SPSB3: variants seen among roughly 807,000 people sequenced by gnomAD.
SPSB3 encodes the protein splA/ryanodine receptor domain and SOCS box containing 3, also known as SPRY domain-containing SOCS box protein 3.
In SPSB3, 18 loss-of-function variants were observed where a neutral mutation model predicts 29.5. The ratio of observed to expected loss-of-function variants is 0.61; its 90% confidence interval spans 0.42 to 0.91. The LOEUF is 0.91. Ranked by LOEUF, SPSB3 falls within the 40% of genes least tolerant of loss-of-function variation. SPSB3 has a pLI of 0.00. For synonymous variants in SPSB3, 299 were observed against 214.1 expected (o/e 1.40, Z -3.46); for missense variants, 540 against 507.5 (o/e 1.06, Z -0.61).
intron 2 of SPSB3, 62 bp from the exon 3 acceptor site, chr16:1,778,674 C>T: frequency 1.3e-6 from 2 of 1,498,718 alleles, no homozygotes; most frequent in Non-Finnish European, 8.9e-7. Context: ...CACCCTTGCC[C>T]TCTGTCCCTG....
chr16:1,780,780 TG>T (rs1896681526), intron 2 of SPSB3: 1 of 188,110 alleles, frequency 5.3e-6, no homozygotes, highest in Non-Finnish European at 1.1e-5. Context: ...TCACCCAGGC[TG>T]GAACGCACTG....
chr16:1,778,822 C>G (rs1042659576), intron 2 of SPSB3: 6 of 498,870 alleles, frequency 1.2e-5, no homozygotes, highest in Admixed American at 7.6e-5. Context: ...CAGGAGGGCC[C>G]TGGAGGCCCA....
chr16:1,781,628 A>G, intron 1 of SPSB3, 133 bp from the exon 2 acceptor site: 1 of 931,426 alleles, frequency 1.1e-6, no homozygotes. Context: ...GGGCTCCAGA[A>G]CGCTTCAGGA....
chr16:1,777,777 G>C lies in SPSB3; in HGVS notation c.691C>G (p.Leu231Val). ...GVHLDTWHGT[L>V]TFFKNRKCIG... ...CACTTCCTGTTCTTGAAAAAGGTGA[G>C]TGTGCCGTGCCAGGTGTCCAGGTGC... is the stretch of plus-strand genomic sequence containing the variant. Residue 231 changes from leucine to valine, a missense_variant, in exon 6 of 7, where the codon CTC becomes GTC. Coordinates refer to ENST00000566339, the MANE Select transcript of SPSB3 (RefSeq NM_080861.4). 1 of 1,612,800 alleles carries C rather than the reference G, an allele frequency of 6.2e-7. No individual in the cohort carries two copies. The highest frequency in any genetic ancestry group is 1.1e-5 in the South Asian group (1 of 91,068).
At chr16:1,781,725 A>G in intron 1 of SPSB3, 1 of 547,992 alleles carries the variant, frequency 1.8e-6, no homozygotes, top group South Asian at 2.2e-5. Flanking sequence ...TGACTCCGGA[A>G]TGCGAATCCC....
chr16:1,781,532 C>A, intron 1 of SPSB3, 37 bp from the exon 2 acceptor site: 1 of 1,595,294 alleles, frequency 6.3e-7, no homozygotes, highest in South Asian at 1.1e-5. Flanking sequence ...AAGGAAGACT[C>A]ACAGCACTCC....
rs765821130 is a variant in SPSB3, at chr16:1,777,195, G to A, written c.970C>T (p.Arg324Cys). ...GWVLSMSCSR[R>C]KAPVSDPQAA... ...TGGGGATCGGACACTGGAGCCTTGC[G>A]GCGGCTGCAACTCATGCTCAGGACC... The change falls in exon 7 of 7, where the codon CGC (arginine) becomes TGC (cysteine). Residue 324 changes from arginine (R) to cysteine (C), a missense_variant. Transcript: ENST00000566339. 1.6e-5 allele frequency: 26 copies of A among 1,610,382 alleles called. No homozygotes were observed. In the East Asian group the frequency reaches 2.5e-4, roughly 15 times the overall value.
chr16:1,777,364 G>C lies in SPSB3; in HGVS notation c.801C>G (p.Val267=). 6.2e-7 allele frequency: 1 copy of C among 1,605,586 alleles called. No individual in the cohort carries two copies. Among genetic ancestry groups the C allele is most frequent in the South Asian group, 1.1e-5 (1 of 90,906 alleles). ...CSTAARSSMK[V]TRSCASATSL... is the part of the protein sequence containing the mutation. The stretch of plus-strand genomic sequence containing the variant: ...AAGTGGCGCTGGCACAGGAGCGGGT[G>C]ACCTTCATGCTGCTCCGGGCCGCCG... The change falls in exon 7 of 7, where the codon GTC becomes GTG. Residue 267 remains valine (V), a synonymous_variant. Transcript: ENST00000566339.
Position 1,777,754 on chromosome 16 carries a change from C to T in SPSB3, c.714G>A (p.Lys238=), listed in dbSNP as rs767465705. 1.2e-6 allele frequency: 2 copies of T among 1,612,326 alleles called. No individual in the cohort carries two copies. Among genetic ancestry groups the T allele is most frequent in the Admixed American group, 1.7e-5 (1 of 59,996 alleles). ...HGTLTFFKNR[K]CIGVAATKLQ... is the part of the protein sequence containing the mutation. ...GTCCTGTGACGGCCTCACCTATACA[C>T]TTCCTGTTCTTGAAAAAGGTGAGTG... Residue 238 remains lysine, a synonymous_variant, in exon 6 of 7, where the codon AAG becomes AAA. Coordinates refer to ENST00000566339, the MANE Select transcript of SPSB3 (RefSeq NM_080861.4).
intron 1 of SPSB3, chr16:1,781,956 G>A (rs1055500854): frequency 3.5e-5 from 7 of 198,350 alleles, no homozygotes; most frequent in South Asian, 2.1e-4. Flanking sequence ...TCCCGCCACC[G>A]TCTCCTGGGC....
intron 6 of SPSB3, 103 bp from the exon 7 acceptor site, chr16:1,777,546 C>T: frequency 7.3e-7 from 1 of 1,368,376 alleles, no homozygotes; most frequent in Non-Finnish European, 9.7e-7. Context: ...GGGCAGCTGG[C>T]ACAGCTGAGG....
At position 1,777,719 on chromosome 16, in the gene SPSB3, A is replaced by G. The variant is rs1164920813; in HGVS notation, c.721+28T>C. 9.3e-6 allele frequency: 15 copies of G among 1,607,982 alleles called. No individual in the cohort carries two copies. In the East Asian group the frequency reaches 3.4e-4, roughly 36 times the overall value. On this transcript the variant is annotated intron_variant, in intron 6 of 6. Transcript: ENST00000566339. ...TGCCTCCCTCGGGGTGACAGCTGAG[A>G]GGAGCTCAAGTCCTGTGACGGCCTC...
At chr16:1,781,126 C>A (rs1472487088) in intron 2 of SPSB3, 11 of 1,467,712 alleles carry the variant, frequency 7.5e-6, no homozygotes, top group Non-Finnish European at 9.1e-6. Context: ...GTGAAGAATG[C>A]AGTGTGTTCT....
intron 2 of SPSB3, 175 bp from the exon 3 acceptor site, chr16:1,778,787 C>A: frequency 1.6e-6 from 1 of 621,878 alleles, no homozygotes. Context: ...CCAACGGGCT[C>A]CGGCTCTGCC....
At position 1,778,463 on chromosome 16, in the gene SPSB3, C is replaced by T; in HGVS notation, c.276G>A (p.Arg92=). 1.9e-6 allele frequency: 3 copies of T among 1,611,172 alleles called. No individual in the cohort carries two copies. Among genetic ancestry groups the T allele is most frequent in the Non-Finnish European group, 2.5e-6 (3 of 1,179,188 alleles). ...CSSLHSAHRG[R]DCRCGEEDEY... ...CGTCTTCCTCTCCGCAGCGGCAGTC[C>T]CTGCCCCGGTGGGCCGAGTGCAGGC... The change falls in exon 3 of 7, where the codon AGG becomes AGA. Residue 92 remains arginine (R), a synonymous_variant. Coordinates refer to ENST00000566339, the MANE Select transcript of SPSB3 (RefSeq NM_080861.4).
In SPSB3 at chr16:1,778,601, C is replaced by G. The variant is rs748377260; in HGVS notation, c.138G>C (p.Ser46=). 1 of 1,561,880 alleles carries G rather than the reference C, an allele frequency of 6.4e-7. No individual in the cohort carries two copies. The highest frequency in any genetic ancestry group is 8.7e-7 in the Non-Finnish European group (1 of 1,150,982). The change falls in exon 3 of 7, where the codon TCG becomes TCC. Residue 46 remains serine (S), a synonymous_variant. Transcript: ENST00000566339. ...GYDSDGQHSD[S]DSDPEYSTLP... Reference sequence around the variant, plus strand: ...GCGTGGAGTACTCGGGGTCGGAGTCCGAGTCGCTGTGCTGGGAGAGAAGGG... The same window carrying G: ...GCGTGGAGTACTCGGGGTCGGAGTCGGAGTCGCTGTGCTGGGAGAGAAGGG...
Position 1,777,075 on chromosome 16 carries a change from G to A in SPSB3, c.*22C>T, listed in dbSNP as rs552495614. 3 of 1,605,410 alleles carry A rather than the reference G, an allele frequency of 1.9e-6. No individual in the cohort carries two copies. Among genetic ancestry groups the A allele is most frequent in the East Asian group, 2.2e-5 (1 of 44,770 alleles). On this transcript the variant is annotated 3_prime_UTR_variant, in exon 7 of 7. Transcript: ENST00000566339. ...GAAAGGGGCTGTCCCAGCCCAAGAA[G>A]GCAGTTCCACTGGGAAGTCAGTCAG...
chr16:1,780,568 T>A (rs375982835), intron 2 of SPSB3: 1 of 153,066 alleles, frequency 6.5e-6, no homozygotes, highest in South Asian at 2.0e-4. Flanking sequence ...AGTGCAGAAA[T>A]TTTTACCTTC....
At chr16:1,780,742 G>C (rs1896680416) in intron 2 of SPSB3, 1 of 162,418 alleles carries the variant, frequency 6.2e-6, no homozygotes, top group South Asian at 1.5e-4. Context: ...TTTTGTTTTT[G>C]TTTTTTTTGA....
Sources: allele counts gnomAD v4.1 joint callset, GRCh38; gene constraint gnomAD v4.1.1; transcripts MANE v1.5; gene names NCBI Gene and HGNC (gene_info 2026-07-23, HGNC 2026-07-21).